SERPINE2: variants seen among roughly 807,000 people sequenced by gnomAD.
SERPINE2 encodes the protein glia-derived nexin.
A neutral mutation model predicts 36.3 loss-of-function variants in SERPINE2; 14 were observed. The ratio of observed to expected loss-of-function variants is 0.39; its 90% confidence interval spans 0.25 to 0.60. The LOEUF (loss-of-function observed/expected upper bound fraction) is 0.60, where lower values mean the gene tolerates loss of function less well. Ranked by LOEUF, SERPINE2 falls within the 20% of genes least tolerant of loss-of-function variation. SERPINE2 has a pLI of 0.57. For missense variants in SERPINE2, 418 were observed against 499.6 expected (o/e 0.84, Z 1.56); for synonymous variants, 192 against 191.8 (o/e 1.00, Z -0.01).
chr2:223,996,602 C>T (rs964808668), intron 3 of SERPINE2, among the ~76,000 whole-genome samples: 1 of 152,152 alleles, frequency 6.6e-6, no homozygotes, highest in Non-Finnish European at 1.5e-5. Flanking sequence ...GCCACTCCCT[C>T]GGCGATTCCA....
intron 5 of SERPINE2, 87 bp downstream of exon 5, chr2:223,984,665 T>C: frequency 8.0e-7 from 1 of 1,256,138 alleles, no homozygotes; most frequent in Non-Finnish European, 1.1e-6. Context: ...ATGTGCCATA[T>C]TTTCGCCTCA....
chr2:224,029,844 G>A (rs568118792), intron 1 of SERPINE2, among the ~76,000 whole-genome samples: 50 of 152,282 alleles, frequency 3.3e-4, no homozygotes, highest in African/African-American at 1.0e-3. Context: ...GATTACGGGC[G>A]TGCGTCACCA....
intron 1 of SERPINE2, among the ~76,000 whole-genome samples, chr2:224,022,395 T>C (rs1401309744): frequency 1.3e-5 from 2 of 152,050 alleles, no homozygotes; most frequent in Non-Finnish European, 2.9e-5. Flanking sequence ...ATGTATTTAT[T>C]GAACAAATGA....
chr2:223,999,383 G>A (rs1045412055), intron 2 of SERPINE2, among the ~76,000 whole-genome samples: 1 of 152,090 alleles, frequency 6.6e-6, no homozygotes, highest in African/African-American at 2.4e-5. Flanking sequence ...CTTCAAAATG[G>A]CACTGTCCTA....
chr2:223,985,602 CA>C, intron 4 of SERPINE2, among the ~76,000 whole-genome samples: 1 of 152,130 alleles, frequency 6.6e-6, no homozygotes, highest in Non-Finnish European at 1.5e-5. Context: ...GTGCCAGGCC[CA>C]TATCAACCCT....
At chr2:224,017,350 GCAAA>G (rs1386639984) in intron 1 of SERPINE2, among the ~76,000 whole-genome samples, 1 of 151,958 alleles carries the variant, frequency 6.6e-6, no homozygotes, top group African/African-American at 2.4e-5. Flanking sequence ...ATTTTAGTCA[GCAAA>G]CAAATGCCAA....
In SERPINE2 at chr2:223,994,081, T is replaced by C. The variant is rs188254439; in HGVS notation, c.488-2081A>G. 1.5e-4 allele frequency among the ~76,000 whole-genome samples: 23 copies of C among 152,344 alleles called. No individual in the cohort carries two copies. In the East Asian group the frequency reaches 3.9e-3, roughly 26 times the overall value. On this transcript the variant is annotated intron_variant, in intron 3 of 8. Coordinates refer to ENST00000409304, the MANE Select transcript of SERPINE2 (RefSeq NM_001136528.2). Reference sequence around the variant, plus strand: ...GTCCCCTGGACTTCTAAATCTTCTCTGATCATCCTCGCCACCTCCTAAGAG... The same window carrying C: ...GTCCCCTGGACTTCTAAATCTTCTCCGATCATCCTCGCCACCTCCTAAGAG...
chr2:224,017,266 CT>C (rs35387795), intron 1 of SERPINE2, among the ~76,000 whole-genome samples: 138,697 of 149,982 alleles, frequency 0.92, 64,385 homozygotes, highest in Non-Finnish European at 0.97. Context: ...TGAATTACTA[CT>C]TTTTTTTTTT....
intron 1 of SERPINE2, among the ~76,000 whole-genome samples, chr2:224,034,232 G>T (rs184348671): frequency 3.9e-5 from 6 of 152,252 alleles, no homozygotes; most frequent in African/African-American, 1.4e-4. Context: ...ACGGGGAGGG[G>T]TGACGTGTGT....
intron 4 of SERPINE2, among the ~76,000 whole-genome samples, chr2:223,985,251 G>C (rs988884295): frequency 6.7e-6 from 1 of 150,310 alleles, no homozygotes; most frequent in African/African-American, 2.4e-5. Flanking sequence ...GCAAGAAGTT[G>C]ACCCTCACAT....
chr2:223,983,093 G>A (rs1690284807), intron 5 of SERPINE2, among the ~76,000 whole-genome samples: 1 of 152,174 alleles, frequency 6.6e-6, no homozygotes, highest in African/African-American at 2.4e-5. Context: ...TACTGACGTG[G>A]AGGTTGAGTG....
At chr2:224,001,996 A>C in intron 1 of SERPINE2, 74 bp from the exon 2 acceptor site, 2 of 992,144 alleles carry the variant, frequency 2.0e-6, no homozygotes, top group Non-Finnish European at 2.6e-6. Flanking sequence ...TTTTTCCCCC[A>C]GATAGAGACT....
intron 3 of SERPINE2, among the ~76,000 whole-genome samples, chr2:223,996,788 G>C (rs1393606598): frequency 6.6e-6 from 1 of 152,168 alleles, no homozygotes; most frequent in Non-Finnish European, 1.5e-5. Context: ...ATGAAAAAAG[G>C]CTCTATAGCC....
At position 224,009,996 on chromosome 2, in the gene SERPINE2, T is replaced by A. The variant is rs529624561; in HGVS notation, c.-22-8074A>T. On this transcript the variant is annotated intron_variant, in intron 1 of 8. Transcript: ENST00000409304. ...ATCTGTATAAGCATTACTGAAATAA[T>A]GTCCACCAAGACCTGTATTCATTTT... Among the ~76,000 whole-genome samples, 22 of 152,352 alleles carry A rather than the reference T, an allele frequency of 1.4e-4. 1 individual carries two copies. The South Asian group carries it at 4.3e-3, about 30-fold the overall frequency.
At chr2:223,982,636 T>C in intron 6 of SERPINE2, 45 bp downstream of exon 6, 1 of 1,181,020 alleles carries the variant, frequency 8.5e-7, no homozygotes, top group Non-Finnish European at 1.3e-6. Context: ...TCTCAGTTTG[T>C]AACACTTTCT....
chr2:224,032,708 C>T (rs529472523), intron 1 of SERPINE2, among the ~76,000 whole-genome samples: 2 of 114,176 alleles, frequency 1.8e-5, no homozygotes, highest in African/African-American at 3.6e-5. Context: ...TAATGTCTTA[C>T]GTCAAACTGT....
chr2:223,980,146 C>T (rs1336500098), intron 7 of SERPINE2, 165 bp downstream of exon 7: 5 of 559,362 alleles, frequency 8.9e-6, no homozygotes, highest in Middle Eastern at 4.8e-4. Context: ...TTTGTGGTTA[C>T]AGGTCTTCAG....
In SERPINE2 at chr2:224,001,133, A is replaced by T. The variant is rs189940898; in HGVS notation, c.259+509T>A. Reference sequence around the variant, plus strand: ...CATTCAGATTTCACTCATTTTCCATACACTCCTGTTGTGGGCTTGGGGAGG... The same window carrying T: ...CATTCAGATTTCACTCATTTTCCATTCACTCCTGTTGTGGGCTTGGGGAGG... On this transcript the variant is annotated intron_variant, in intron 2 of 8. Transcript: ENST00000409304. 4.0e-3 allele frequency among the ~76,000 whole-genome samples: 615 copies of T among 152,130 alleles called. 4 individuals are homozygous for T. The highest frequency in any genetic ancestry group is 6.7e-3 in the Non-Finnish European group (456 of 67,982).
intron 3 of SERPINE2, among the ~76,000 whole-genome samples, chr2:223,996,540 T>C (rs1029310255): frequency 1.3e-5 from 2 of 152,136 alleles, no homozygotes; most frequent in Non-Finnish European, 2.9e-5. Flanking sequence ...GTCTCCAACA[T>C]CTGGGTGTGT....
Sources: allele counts gnomAD v4.1 joint callset (sites outside exome capture counted in the v4.1 genomes callset), GRCh38; gene constraint gnomAD v4.1.1; transcripts MANE v1.5; gene names NCBI Gene and HGNC (gene_info 2026-07-23, HGNC 2026-07-21).